JMJD1C: variants seen among roughly 807,000 people sequenced by gnomAD.
JMJD1C encodes jumonji domain-containing protein 1C.
In JMJD1C, 31 loss-of-function variants were observed where a neutral mutation model predicts 245.3. The observed-to-expected ratio is 0.13, with a 90% confidence interval of 0.09 to 0.17. The LOEUF (loss-of-function observed/expected upper bound fraction) is 0.17. Among genes scored for constraint, JMJD1C ranks in the 10% least tolerant of loss-of-function variants. The pLI, the probability that JMJD1C is intolerant of heterozygous loss-of-function variation, is 1.00. For missense variants in JMJD1C, 2,691 were observed against 3,000.2 expected (o/e 0.90, Z 2.41); for synonymous variants, 1,057 against 1,017.4 (o/e 1.04, Z -0.74).
intron 2 of JMJD1C, among the ~76,000 whole-genome samples, chr10:63,315,789 A>G (rs1418730073): frequency 9.3e-5 from 14 of 150,836 alleles, no homozygotes; most frequent in Admixed American, 9.3e-4. Context: ...GCAGTGACCC[A>G]AGATTGCGCC....
chr10:63,359,660 T>C (rs1048776821), intron 2 of JMJD1C, among the ~76,000 whole-genome samples: 2 of 152,216 alleles, frequency 1.3e-5, no homozygotes, highest in African/African-American at 4.8e-5. Flanking sequence ...AGTTGAAATG[T>C]TTCTTTTCTA....
At chr10:63,246,436 T>TAA (rs1180172241) in intron 3 of JMJD1C, among the ~76,000 whole-genome samples, 2 of 144,100 alleles carry the variant, frequency 1.4e-5, no homozygotes. Context: ...AAAATAAAAA[T>TAA]AAAAAACAAA....
intron 1 of JMJD1C, among the ~76,000 whole-genome samples, chr10:63,409,132 T>C (rs992474111): frequency 1.3e-5 from 2 of 152,238 alleles, no homozygotes; most frequent in African/African-American, 2.4e-5. Context: ...TTAAGTCTCA[T>C]GCAGGTTAAT....
intron 1 of JMJD1C, among the ~76,000 whole-genome samples, chr10:63,497,188 C>T (rs1441390110): frequency 6.6e-6 from 1 of 151,416 alleles, no homozygotes; most frequent in East Asian, 1.9e-4. Context: ...AAAAAACACC[C>T]AAAAGAAATG....
At chr10:63,314,454 G>C (rs1003560361) in intron 2 of JMJD1C, among the ~76,000 whole-genome samples, 1 of 152,136 alleles carries the variant, frequency 6.6e-6, no homozygotes, top group African/African-American at 2.4e-5. Flanking sequence ...CAGCTACTTG[G>C]GAGACTGAGG....
At chr10:63,233,890 G>A (rs576408808) in intron 3 of JMJD1C, among the ~76,000 whole-genome samples, 1 of 151,396 alleles carries the variant, frequency 6.6e-6, no homozygotes, top group African/African-American at 2.4e-5. Flanking sequence ...TTTTTATTTT[G>A]CAATGACCAT....
At chr10:63,339,423 T>G (rs1220864121) in intron 2 of JMJD1C, among the ~76,000 whole-genome samples, 2 of 152,142 alleles carry the variant, frequency 1.3e-5, no homozygotes, top group African/African-American at 4.8e-5. Flanking sequence ...GGTGGAGGAA[T>G]GAACAAAACA....
chr10:63,362,319 T>C (rs1945449324), intron 2 of JMJD1C, among the ~76,000 whole-genome samples: 1 of 151,882 alleles, frequency 6.6e-6, no homozygotes, highest in Non-Finnish European at 1.5e-5. Flanking sequence ...AACTAAAGTG[T>C]CTTTTATTCA....
rs929676370 is a variant in JMJD1C, at chr10:63,357,191, G to A, written c.333+23127C>T. ...TGGGACTATAGATGCGTGCCACCAC[G>A]CCCATCTATTTTTTCTATTTTTAGT... On this transcript the variant is annotated intron_variant, in intron 2 of 25. Transcript: ENST00000399262. Among the ~76,000 whole-genome samples the A allele has an allele frequency of 5.3e-5, 8 of 151,822 alleles. No homozygotes were observed. In the East Asian group the frequency reaches 5.8e-4, roughly 11 times the overall value.
At chr10:63,472,845 G>A (rs928398386) in intron 1 of JMJD1C, among the ~76,000 whole-genome samples, 10 of 151,234 alleles carry the variant, frequency 6.6e-5, no homozygotes, top group African/African-American at 1.7e-4. Context: ...GTGCAGTGGC[G>A]CGATCATAGG....
chr10:63,237,347 C>T (rs373634335), intron 3 of JMJD1C, among the ~76,000 whole-genome samples: 2 of 35,430 alleles, frequency 5.6e-5, no homozygotes, highest in African/African-American at 6.6e-4. Flanking sequence ...CAAACACTCA[C>T]TAAAAATTTT....
intron 3 of JMJD1C, among the ~76,000 whole-genome samples, chr10:63,262,508 C>T (rs1854910589): frequency 6.6e-6 from 1 of 152,088 alleles, no homozygotes; most frequent in African/African-American, 2.4e-5. Flanking sequence ...TATAAACCAG[C>T]ACTTAGTCTA....
At position 63,361,256 on chromosome 10, in the gene JMJD1C, C is replaced by T. The variant is rs187931768; in HGVS notation, c.333+19062G>A. On this transcript the variant is annotated intron_variant, in intron 2 of 25. Transcript: ENST00000399262. Reference sequence around the variant, plus strand: ...TGGCCAACATGGCGAAACCCTGTCTCTACTAAAAATACAAAAATTAGCCAG... The same window carrying T: ...TGGCCAACATGGCGAAACCCTGTCTTTACTAAAAATACAAAAATTAGCCAG... Among the ~76,000 whole-genome samples the T allele has an allele frequency of 2.8e-4, 42 of 152,222 alleles. No homozygotes were observed. In the East Asian group the frequency reaches 8.1e-3, roughly 30 times the overall value.
At position 63,202,237 on chromosome 10, in the gene JMJD1C, G is replaced by A. The variant is rs1364063882; in HGVS notation, c.5075-1560C>T. Reference sequence around the variant, plus strand: ...CCACTGGATTCCAGCCTGGGTGACGGAGTAAGACTCTGTCTAAAAATATAT... The same window carrying A: ...CCACTGGATTCCAGCCTGGGTGACGAAGTAAGACTCTGTCTAAAAATATAT... On this transcript the variant is annotated intron_variant, in intron 10 of 25. Transcript: ENST00000399262. 4 of 919,026 alleles carry A rather than the reference G, an allele frequency of 4.4e-6. No individual in the cohort carries two copies. The African/African-American group carries it at 5.4e-5, about 12-fold the overall frequency. 56.9% of individuals were successfully genotyped at this position (919,026 alleles called of 1,614,324 possible).
rs572145563 is a variant in JMJD1C at position 63,463,733 on chromosome 10, T to C, written c.168+1762A>G. On this transcript the variant is annotated intron_variant, in intron 1 of 25. Transcript: ENST00000399262. ...TTCTTTTTTTGGTAAAATTTAGATA[T>C]GGTGAAACGCAAAGATAGTATCAAT... Among the ~76,000 whole-genome samples, 35 of 152,324 alleles carry C rather than the reference T, an allele frequency of 2.3e-4. No individual in the cohort carries two copies. The South Asian group carries it at 6.6e-3, about 29-fold the overall frequency.
intron 1 of JMJD1C, among the ~76,000 whole-genome samples, chr10:63,402,063 G>A (rs1029708321): frequency 9.9e-5 from 15 of 151,344 alleles, no homozygotes; most frequent in Non-Finnish European, 1.6e-4. Context: ...GAACCTGGGA[G>A]GCAGAGTTTG....
At chr10:63,517,533 A>T (rs1300732389) in intron 1 of JMJD1C, among the ~76,000 whole-genome samples, 2 of 152,182 alleles carry the variant, frequency 1.3e-5, no homozygotes, top group Non-Finnish European at 2.9e-5. Flanking sequence ...TTCCTCAGAG[A>T]AGAAAAGTGT....
At chr10:63,378,015 C>G (rs1213371774) in intron 2 of JMJD1C, among the ~76,000 whole-genome samples, 2 of 149,506 alleles carry the variant, frequency 1.3e-5, no homozygotes, top group Non-Finnish European at 3.0e-5. Context: ...TGAGTTATCT[C>G]TTAGTAATAG....
At chr10:63,357,762 A>C (rs1339153923) in intron 2 of JMJD1C, among the ~76,000 whole-genome samples, 1 of 151,754 alleles carries the variant, frequency 6.6e-6, no homozygotes, top group African/African-American at 2.4e-5. Flanking sequence ...TATTGAATGA[A>C]TGAAATTATC....
Sources: gnomAD v4.1 joint callset for allele counts (sites outside exome capture counted in the v4.1 genomes callset) on GRCh38, gnomAD v4.1.1 for gene constraint, MANE v1.5 for transcripts, NCBI Gene and HGNC (gene_info 2026-07-23, HGNC 2026-07-21) for gene names.